The following RNF152 variants were observed in gnomAD, a reference collection of about 807,000 sequenced individuals.
RNF152 encodes the protein E3 ubiquitin-protein ligase RNF152.
In RNF152, 11 loss-of-function variants were observed where a neutral mutation model predicts 12.7. That is an observed-to-expected ratio of 0.86 (90% confidence interval 0.54 to 1.43). The LOEUF is 1.43. RNF152 is among the 40% of genes most tolerant of loss of function. The pLI, the probability that RNF152 is intolerant of heterozygous loss-of-function variation, is 0.00. For missense variants in RNF152, 255 were observed against 274.8 expected (o/e 0.93, Z 0.51); for synonymous variants, 113 against 120.3 (o/e 0.94, Z 0.40).
chr18:61,836,573 G>A (rs112784334), intron 1 of RNF152, among the ~76,000 whole-genome samples: 33 of 152,240 alleles, frequency 2.2e-4, no homozygotes, highest in Middle Eastern at 3.4e-3. Context: ...GTTCCCACCC[G>A]AATCTGACCA....
chr18:61,844,191 A>AAGGGAAGGAGGGAGGGACGGAGGG, intron 1 of RNF152, among the ~76,000 whole-genome samples: 1 of 58,778 alleles, frequency 1.7e-5, no homozygotes, highest in African/African-American at 4.5e-5. Context: ...GGAAGGAAGG[A>AAGGGAAGGAGGGAGGGACGGAGGG]AGGGAAGGAG....
chr18:61,856,067 G>A (rs1911215937), intron 1 of RNF152, among the ~76,000 whole-genome samples: 1 of 152,124 alleles, frequency 6.6e-6, no homozygotes, highest in Admixed American at 6.5e-5. Context: ...GGGTGTCAGG[G>A]TTCTCATCTG....
At chr18:61,826,116 G>A (rs1471725089) in intron 1 of RNF152, among the ~76,000 whole-genome samples, 2 of 152,152 alleles carry the variant, frequency 1.3e-5, no homozygotes, top group South Asian at 2.1e-4. Flanking sequence ...GTTCTGTGGG[G>A]ACCCACTGGA....
rs1041902387 is a variant in RNF152, at chr18:61,811,734, T to C, written c.*4118A>G. 1.3e-5 allele frequency: 2 copies of C among 152,208 alleles called. No homozygotes were observed. The highest frequency in any genetic ancestry group is 2.9e-5 in the Non-Finnish European group (2 of 68,054). 9.4% of individuals were successfully genotyped at this position (152,208 alleles called of 1,614,324 possible). On this transcript the variant is annotated 3_prime_UTR_variant, in exon 2 of 2. Coordinates refer to ENST00000312828, the MANE Select transcript of RNF152 (RefSeq NM_173557.3). ...TACTGGAAGTGAACAGGGATTTCAT[T>C]AGGCTTTTTTTTTCCTGTAACATTT... is the stretch of plus-strand genomic sequence containing the variant.
At chr18:61,841,806 T>C (rs747315410) in intron 1 of RNF152, among the ~76,000 whole-genome samples, 4 of 152,238 alleles carry the variant, frequency 2.6e-5, no homozygotes, top group Non-Finnish European at 4.4e-5. Flanking sequence ...AATCCTGCTT[T>C]CAGTGGCAAG....
At chr18:61,866,727 T>C (rs1281059149) in intron 1 of RNF152, among the ~76,000 whole-genome samples, 1 of 152,174 alleles carries the variant, frequency 6.6e-6, no homozygotes, top group African/African-American at 2.4e-5. Context: ...CACTACTTCC[T>C]CCCAACATTG....
intron 1 of RNF152, among the ~76,000 whole-genome samples, chr18:61,860,228 C>CA (rs1015793637): frequency 4.6e-5 from 7 of 152,198 alleles, no homozygotes; most frequent in African/African-American, 7.2e-5. Context: ...AAAAATGTGA[C>CA]AGAGTTTCTG....
intron 1 of RNF152, among the ~76,000 whole-genome samples, chr18:61,865,390 T>C (rs1911680278): frequency 6.6e-6 from 1 of 152,224 alleles, no homozygotes; most frequent in Non-Finnish European, 1.5e-5. Context: ...AATTCATTAA[T>C]AACTACAGCT....
At chr18:61,873,654 C>T (rs1284272292) in intron 1 of RNF152, among the ~76,000 whole-genome samples, 7 of 152,206 alleles carry the variant, frequency 4.6e-5, no homozygotes, top group African/African-American at 1.2e-4. Context: ...TTCTTAAACA[C>T]GGGCAGGCCT....
At position 61,814,145 on chromosome 18, in the gene RNF152, TTA is replaced by T. The variant is rs1302323513; in HGVS notation, c.*1705_*1706del. 1 of 152,346 alleles carries T rather than the reference TTA, an allele frequency of 6.6e-6. No homozygotes were observed. The highest frequency in any genetic ancestry group is 1.9e-4 in the East Asian group (1 of 5,188). 9.4% of individuals were successfully genotyped at this position (152,346 alleles called of 1,614,324 possible). A position where few individuals can be genotyped will look rare whatever the true frequency, so the allele number is the denominator to read the frequency against. Reference sequence around the variant, plus strand: ...CAGTATTAGCTTTGTATTCTAGCCATTATATTTTTGTTTTATTTCACATTAAT... The same window carrying T: ...CAGTATTAGCTTTGTATTCTAGCCATTATTTTTGTTTTATTTCACATTAAT... On this transcript the variant is annotated 3_prime_UTR_variant, in exon 2 of 2. Coordinates refer to ENST00000312828, the MANE Select transcript of RNF152 (RefSeq NM_173557.3).
chr18:61,844,078 G>GAAAGAAAGAAAGAAAGAAAGAAAGAA (rs1910591574), intron 1 of RNF152, among the ~76,000 whole-genome samples: 6 of 8,072 alleles, frequency 7.4e-4, no homozygotes, highest in Non-Finnish European at 1.5e-3. Flanking sequence ...AGAAAGAAAG[G>GAAAGAAAGAAAGAAAGAAAGAAAGAA]AAAGAAAGAA....
chr18:61,879,756 G>C (rs1653113741), intron 1 of RNF152, among the ~76,000 whole-genome samples: 1 of 151,998 alleles, frequency 6.6e-6, no homozygotes, highest in Non-Finnish European at 1.5e-5. Flanking sequence ...CTGAGGTCAG[G>C]AGTTCGAGAC....
intron 1 of RNF152, among the ~76,000 whole-genome samples, chr18:61,867,449 CT>C (rs1911788128): frequency 6.7e-6 from 1 of 149,404 alleles, no homozygotes; most frequent in South Asian, 2.1e-4. Context: ...GAGACACCAT[CT>C]CAAAAAAAAA....
At position 61,812,858 on chromosome 18, in the gene RNF152, A is replaced by G. The variant is rs1908870479; in HGVS notation, c.*2994T>C. 1.2e-5 allele frequency: 1 copy of G among 86,436 alleles called. No homozygotes were observed. Among genetic ancestry groups the G allele is most frequent in the African/African-American group, 5.1e-5 (1 of 19,676 alleles). The allele number at this position is 86,436 out of a possible 1,614,324, so 5.4% of individuals were successfully genotyped here. On this transcript the variant is annotated 3_prime_UTR_variant, in exon 2 of 2. Coordinates refer to ENST00000312828, the MANE Select transcript of RNF152 (RefSeq NM_173557.3). ...ACTAAAATGAGTACATAAACCTACA[A>G]AAAAAATTCTTTAAAGCAATAGTTG...
At position 61,854,339 on chromosome 18, in the gene RNF152, G is replaced by GTTTTCCCCT. The variant is rs373020635; in HGVS notation, c.-135-37742_-135-37741insAGGGGAAAA. ...TCTAAGAGACTGGTCATGTAAGAAAGTATATGGGGGAAAAAAGCAAGCTCT... is the reference window on the plus strand; with the variant it reads ...TCTAAGAGACTGGTCATGTAAGAAAGTTTTCCCCTTATATGGGGGAAAAAAGCAAGCTCT... On this transcript the variant is annotated intron_variant, in intron 1 of 1. Coordinates refer to ENST00000312828, the MANE Select transcript of RNF152 (RefSeq NM_173557.3). Among the ~76,000 whole-genome samples the GTTTTCCCCT allele has an allele frequency of 4.7e-4, 72 of 152,248 alleles. No individual in the cohort carries two copies. The East Asian group carries it at 0.011, about 24-fold the overall frequency.
intron 1 of RNF152, among the ~76,000 whole-genome samples, chr18:61,823,593 C>T (rs1173333055): frequency 1.3e-5 from 2 of 152,258 alleles, no homozygotes; most frequent in Non-Finnish European, 2.9e-5. Flanking sequence ...GCCACCACGC[C>T]CAGCCTTTTG....
chr18:61,832,999 A>G (rs1910018053), intron 1 of RNF152, among the ~76,000 whole-genome samples: 1 of 152,220 alleles, frequency 6.6e-6, no homozygotes, highest in Non-Finnish European at 1.5e-5. Flanking sequence ...TCAAAGCAGA[A>G]GAAACAGTAA....
chr18:61,844,318 A>C (rs932439349), intron 1 of RNF152, among the ~76,000 whole-genome samples: 1 of 152,218 alleles, frequency 6.6e-6, no homozygotes, highest in Admixed American at 6.5e-5. Context: ...AATGATACTA[A>C]TCATTTTGTA....
At position 61,808,878 on chromosome 18, in the gene RNF152, A is replaced by G. The variant is rs1239288139; in HGVS notation, c.*6974T>C. ...GACTCTGAAATTGCCTAGTGTGCTA[A>G]CAATCCAAACCACGAGCATAGGATA... On this transcript the variant is annotated 3_prime_UTR_variant, in exon 2 of 2. Coordinates refer to ENST00000312828, the MANE Select transcript of RNF152 (RefSeq NM_173557.3). 6.6e-6 allele frequency: 1 copy of G among 152,198 alleles called. No homozygotes were observed. The highest frequency in any genetic ancestry group is 1.9e-4 in the East Asian group (1 of 5,192). 9.4% of individuals were successfully genotyped at this position (152,198 alleles called of 1,614,324 possible).
Sources: allele counts gnomAD v4.1 joint callset (sites outside exome capture counted in the v4.1 genomes callset), GRCh38; gene constraint gnomAD v4.1.1; transcripts MANE v1.5; gene names NCBI Gene and HGNC (gene_info 2026-07-23, HGNC 2026-07-21).